Variants in SUGCT observed in about 807,000 individuals in gnomAD.
The protein encoded by SUGCT is succinyl-CoA:glutarate CoA-transferase.
A neutral mutation model predicts 55.0 loss-of-function variants in SUGCT; 41 were observed. The observed-to-expected ratio is 0.74, with a 90% CI of 0.58 to 0.97. The LOEUF (loss-of-function observed/expected upper bound fraction) is 0.97, where lower values mean the gene tolerates loss of function less well. SUGCT is among the 50% of genes least tolerant of loss of function. SUGCT has a pLI of 0.00. For missense variants in SUGCT, 568 were observed against 547.8 expected, an observed-to-expected ratio of 1.04 and a Z score of -0.37; for synonymous variants, 187 against 200.4, an observed-to-expected ratio of 0.93 and a Z score of 0.56.
the SUGCT span, among the ~76,000 whole-genome samples, chr7:40,951,586 CA>C: frequency 6.6e-6 from 1 of 151,940 alleles, no homozygotes; most frequent in East Asian, 1.9e-4. Context: ...CTCTTGTGGG[CA>C]TTTAGTGCTA....
At chr7:40,881,323 A>T in the SUGCT span, among the ~76,000 whole-genome samples, 1 of 152,150 alleles carries the variant, frequency 6.6e-6, no homozygotes, top group Non-Finnish European at 1.5e-5. Context: ...CATTCCCTTT[A>T]AAGTGGGAAG....
rs1450159067 is a variant in SUGCT, at chr7:40,309,906, A to C, written c.721-6854A>C. ...CAAAAAAGTATTAAAAAAAAAAAAA[A>C]ACACATGACCATGCTGATTTAAATA... On this transcript the variant is annotated intron_variant, in intron 8 of 13. Coordinates refer to ENST00000335693, the MANE Select transcript of SUGCT (RefSeq NM_001193313.2). Among the ~76,000 whole-genome samples the C allele has an allele frequency of 9.6e-4, 122 of 127,118 alleles. 2 individuals are homozygous for C. In the East Asian group the frequency reaches 0.027, roughly 28 times the overall value. 83.4% of individuals were successfully genotyped at this position (127,118 alleles called of 152,430 possible). A position where few individuals can be genotyped will look rare whatever the true frequency, so the allele number is the denominator to read the frequency against.
At chr7:40,554,742 C>A (rs1163056474) in intron 12 of SUGCT, among the ~76,000 whole-genome samples, 5 of 152,212 alleles carry the variant, frequency 3.3e-5, no homozygotes, top group African/African-American at 1.2e-4. Flanking sequence ...ATATTTTCCT[C>A]CTATCAACAG....
intron 8 of SUGCT, among the ~76,000 whole-genome samples, chr7:40,299,413 G>A (rs1794386844): frequency 2.0e-5 from 3 of 152,124 alleles, no homozygotes; most frequent in African/African-American, 4.8e-5. Flanking sequence ...ACAACAAACT[G>A]TCACAGGTTG....
intron 8 of SUGCT, among the ~76,000 whole-genome samples, chr7:40,287,750 T>C (rs1793451521): frequency 6.6e-6 from 1 of 152,132 alleles, no homozygotes; most frequent in Non-Finnish European, 1.5e-5. Context: ...CCTCCTGTCT[T>C]GGCCTCCCAA....
At chr7:41,021,570 G>A in the SUGCT span, among the ~76,000 whole-genome samples, 1 of 152,092 alleles carries the variant, frequency 6.6e-6, no homozygotes, top group African/African-American at 2.4e-5. Context: ...GAAATAACAA[G>A]TAATTATTCA....
the SUGCT span, among the ~76,000 whole-genome samples, chr7:40,970,100 C>T: frequency 1.3e-4 from 20 of 152,184 alleles, no homozygotes; most frequent in South Asian, 4.2e-3. Flanking sequence ...CGCGAGGAGG[C>T]TTTTTAATTG....
chr7:40,249,351 AT>A (rs1790196189), intron 7 of SUGCT, among the ~76,000 whole-genome samples: 3 of 136,906 alleles, frequency 2.2e-5, no homozygotes, highest in African/African-American at 8.2e-5. Context: ...ATATATAATT[AT>A]ATTATATAGA....
intron 12 of SUGCT, among the ~76,000 whole-genome samples, chr7:40,700,133 C>T (rs1288441398): frequency 2.6e-5 from 4 of 152,124 alleles, no homozygotes; most frequent in African/African-American, 9.7e-5. Flanking sequence ...GTGGAGAATT[C>T]TAAATTTCAT....
intron 12 of SUGCT, among the ~76,000 whole-genome samples, chr7:40,551,032 A>G (rs1294261004): frequency 6.6e-6 from 1 of 152,158 alleles, no homozygotes; most frequent in Non-Finnish European, 1.5e-5. Flanking sequence ...CTCAGGCAGC[A>G]GTGTGCCATG....
intron 9 of SUGCT, among the ~76,000 whole-genome samples, chr7:40,384,864 C>G (rs1785036711): frequency 6.6e-6 from 1 of 152,098 alleles, no homozygotes; most frequent in Non-Finnish European, 1.5e-5. Flanking sequence ...ATTCATTCTA[C>G]AAAGGCGTAT....
intron 13 of SUGCT, among the ~76,000 whole-genome samples, chr7:40,788,977 G>C (rs1156366925): frequency 6.6e-6 from 1 of 152,202 alleles, no homozygotes; most frequent in African/African-American, 2.4e-5. Flanking sequence ...CTCAGTTGGA[G>C]CCTGCTTCAA....
At chr7:40,882,754 TG>T in the SUGCT span, among the ~76,000 whole-genome samples, 3 of 152,252 alleles carry the variant, frequency 2.0e-5, no homozygotes, top group Non-Finnish European at 2.9e-5. Context: ...ATTAATTTCC[TG>T]GTTCAAGTTT....
At chr7:40,196,702 G>T (rs989349425) in intron 6 of SUGCT, among the ~76,000 whole-genome samples, 11 of 152,228 alleles carry the variant, frequency 7.2e-5, no homozygotes, top group Middle Eastern at 6.8e-3. Context: ...GTAATTTTTT[G>T]TGTGTTTTTC....
intron 6 of SUGCT, among the ~76,000 whole-genome samples, chr7:40,223,138 G>A (rs559195915): frequency 2.0e-5 from 3 of 151,588 alleles, no homozygotes; most frequent in Non-Finnish European, 4.4e-5. Context: ...TCGGCTCACC[G>A]CAACCTCCGC....
At chr7:40,161,195 A>T (rs1047608613) in intron 1 of SUGCT, among the ~76,000 whole-genome samples, 1 of 152,338 alleles carries the variant, frequency 6.6e-6, no homozygotes, top group African/African-American at 2.4e-5. Context: ...TTCTCTCCAG[A>T]CATTTCTCTT....
At chr7:40,588,224 A>C (rs1400674148) in intron 12 of SUGCT, among the ~76,000 whole-genome samples, 1 of 150,540 alleles carries the variant, frequency 6.6e-6, no homozygotes, top group Non-Finnish European at 1.5e-5. Flanking sequence ...TTCTAAGAAA[A>C]TTCTCTTTTT....
At chr7:40,987,989 G>C in the SUGCT span, among the ~76,000 whole-genome samples, 1 of 151,784 alleles carries the variant, frequency 6.6e-6, no homozygotes, top group Admixed American at 6.6e-5. Flanking sequence ...GGAAAGGGAG[G>C]CTTGGAGAAT....
chr7:40,892,516 T>C, the SUGCT span, among the ~76,000 whole-genome samples: 2 of 152,176 alleles, frequency 1.3e-5, no homozygotes, highest in African/African-American at 4.8e-5. Context: ...CCTTCAGTAA[T>C]TACTTCTTGT....
Sources: allele counts gnomAD v4.1 joint callset (sites outside exome capture counted in the v4.1 genomes callset), GRCh38; gene constraint gnomAD v4.1.1; transcripts MANE v1.5; gene names NCBI Gene and HGNC (gene_info 2026-07-23, HGNC 2026-07-21).